THSD7A: variants seen among roughly 807,000 people sequenced by gnomAD.
The protein encoded by THSD7A is thrombospondin type 1 domain containing 7A.
In THSD7A, 96 loss-of-function variants were observed where a neutral mutation model predicts 231.3. The ratio of observed to expected loss-of-function variants is 0.41; its 90% CI spans 0.35 to 0.49. The LOEUF (loss-of-function observed/expected upper bound fraction) is 0.49, where lower values mean the gene tolerates loss of function less well. Among genes scored for constraint, THSD7A ranks in the 20% least tolerant of loss-of-function variants. The pLI is 0.05. For missense variants in THSD7A, 2,290 were observed against 2,070.2 expected (o/e 1.11, Z -2.06); for synonymous variants, 940 against 743.3 (o/e 1.26, Z -4.30).
chr7:11,490,860 A>G (rs1786861811), intron 6 of THSD7A, among the ~76,000 whole-genome samples: 1 of 152,126 alleles, frequency 6.6e-6, no homozygotes, highest in Non-Finnish European at 1.5e-5. Flanking sequence ...ATGGAAGCTA[A>G]TAATAGTACT....
At chr7:11,531,220 C>T (rs930320983) in intron 6 of THSD7A, among the ~76,000 whole-genome samples, 4 of 152,134 alleles carry the variant, frequency 2.6e-5, no homozygotes, top group Admixed American at 1.3e-4. Context: ...TGTTGCAACC[C>T]TTATCTAAGC....
At chr7:11,663,493 A>C (rs1783010289) in intron 1 of THSD7A, among the ~76,000 whole-genome samples, 1 of 151,612 alleles carries the variant, frequency 6.6e-6, no homozygotes, top group African/African-American at 2.4e-5. Context: ...ATTTAACTTC[A>C]AAAATATTCC....
chr7:11,665,956 T>C (rs981913522), intron 1 of THSD7A, among the ~76,000 whole-genome samples: 2 of 152,146 alleles, frequency 1.3e-5, no homozygotes, highest in Non-Finnish European at 2.9e-5. Flanking sequence ...TCTGTGGAAA[T>C]GAGGGGCTTT....
Position 11,786,433 on chromosome 7 carries a change from G to A in THSD7A, c.190+45324C>T, listed in dbSNP as rs115632198. 5.3e-3 allele frequency among the ~76,000 whole-genome samples: 801 copies of A among 152,164 alleles called. 8 individuals carry two copies. The highest frequency in any genetic ancestry group is 0.017 in the African/African-American group (705 of 41,498). ...CCACCACTTCCACATTTTCTGCCTG[G>A]AATGTGGTTAAGCCTGGTGGAGCAG... On this transcript the variant is annotated intron_variant, in intron 1 of 27. Transcript: ENST00000423059.
At chr7:11,755,432 C>T (rs1041531162) in intron 1 of THSD7A, among the ~76,000 whole-genome samples, 12 of 152,020 alleles carry the variant, frequency 7.9e-5, no homozygotes, top group African/African-American at 2.9e-4. Context: ...TAAAGTCCTC[C>T]ATGATTGGAC....
chr7:11,636,713 T>C lies in THSD7A; in HGVS notation c.439A>G (p.Ile147Val), dbSNP rs752781305. ...SKSLEKPLEC[I>V]KGEEGIQVRE... ...ACCTGAATACCTTCTTCCCCCTTAA[T>C]GCACTCAAGAGGTTTCTCTAGGCTT... The change falls in exon 2 of 28, where the codon ATT becomes GTT. Residue 147 changes from isoleucine to valine, a missense_variant. Physicochemically the swap from Ile to Val is conservative, Grantham distance 29 (BLOSUM62 3). Coordinates refer to ENST00000423059, the MANE Select transcript of THSD7A (RefSeq NM_015204.3). This position sits in a 1 kb window ranked among gnomAD's most constrained non-coding sequence, Gnocchi z 10.0. 1.8e-5 allele frequency: 29 copies of C among 1,613,910 alleles called. No individual in the cohort carries two copies. In the East Asian group the frequency reaches 4.9e-4, roughly 27 times the overall value.
chr7:11,633,304 C>T (rs530198976), intron 2 of THSD7A, among the ~76,000 whole-genome samples: 2 of 152,256 alleles, frequency 1.3e-5, no homozygotes, highest in Admixed American at 6.5e-5. Context: ...TTCCTGTGTC[C>T]TAGTGTATGT....
At chr7:11,638,997 T>C (rs940055613) in intron 1 of THSD7A, among the ~76,000 whole-genome samples, 2 of 152,170 alleles carry the variant, frequency 1.3e-5, no homozygotes, top group Non-Finnish European at 1.5e-5. Flanking sequence ...CACACATCCT[T>C]GGCATTTATT....
At chr7:11,541,275 GA>G (rs1562700249) in intron 6 of THSD7A, 143 bp downstream of exon 6, 16 of 770,506 alleles carry the variant, frequency 2.1e-5, no homozygotes, top group Non-Finnish European at 3.0e-5. Context: ...CAGGGAAAGA[GA>G]GGGAGGGAGA....
intron 4 of THSD7A, among the ~76,000 whole-genome samples, chr7:11,543,513 T>A (rs920604117): frequency 1.3e-5 from 2 of 152,158 alleles, no homozygotes; most frequent in East Asian, 3.9e-4. Context: ...GACTATAGCT[T>A]CAACATATAT....
At chr7:11,829,961 C>A (rs1041579924) in intron 1 of THSD7A, among the ~76,000 whole-genome samples, 3 of 152,082 alleles carry the variant, frequency 2.0e-5, no homozygotes, top group Non-Finnish European at 2.9e-5. Flanking sequence ...CAATCACTTT[C>A]TCATAACTCA....
chr7:11,788,133 G>A (rs1185751503), intron 1 of THSD7A, among the ~76,000 whole-genome samples: 1 of 151,952 alleles, frequency 6.6e-6, no homozygotes, highest in South Asian at 2.1e-4. Context: ...CTGATCTTTT[G>A]CATCTAATCC....
At chr7:11,533,833 C>G (rs1788803736) in intron 6 of THSD7A, among the ~76,000 whole-genome samples, 1 of 152,144 alleles carries the variant, frequency 6.6e-6, no homozygotes, top group South Asian at 2.1e-4. Flanking sequence ...CACCATGGCA[C>G]ATGTATACTT....
chr7:11,739,088 A>G (rs1323513801), intron 1 of THSD7A, among the ~76,000 whole-genome samples: 3 of 152,094 alleles, frequency 2.0e-5, no homozygotes, highest in African/African-American at 7.2e-5. Flanking sequence ...CCCAAGTAAC[A>G]AATGTTATAC....
chr7:11,554,471 G>C (rs1789761403), intron 4 of THSD7A, among the ~76,000 whole-genome samples: 1 of 151,934 alleles, frequency 6.6e-6, no homozygotes, highest in Non-Finnish European at 1.5e-5. Context: ...TTAAGATGAG[G>C]ATGTTCTTCT....
intron 2 of THSD7A, among the ~76,000 whole-genome samples, chr7:11,611,787 AACACACACACACACACAC>A (rs56683135): frequency 3.7e-4 from 51 of 138,778 alleles, no homozygotes; most frequent in Non-Finnish European, 5.1e-4. Flanking sequence ...AGTACCATAA[AACACACACACACACACAC>A]ACACACACAC....
chr7:11,725,744 A>T (rs922422792), intron 1 of THSD7A, among the ~76,000 whole-genome samples: 7 of 151,992 alleles, frequency 4.6e-5, no homozygotes, highest in African/African-American at 7.2e-5. Context: ...ATTTAAACAT[A>T]CGCAGTTGTG....
intron 11 of THSD7A, among the ~76,000 whole-genome samples, chr7:11,458,402 G>A (rs1162945407): frequency 6.6e-6 from 1 of 152,018 alleles, no homozygotes; most frequent in Non-Finnish European, 1.5e-5. Context: ...CGAAAAAGCA[G>A]TCTTTCATCT....
chr7:11,418,544 T>C (rs1307253362), intron 16 of THSD7A, among the ~76,000 whole-genome samples: 1 of 152,226 alleles, frequency 6.6e-6, no homozygotes, highest in Non-Finnish European at 1.5e-5. Context: ...AAAGGAAGGC[T>C]TGAACTCTCA....
Sources: allele counts gnomAD v4.1 joint callset (sites outside exome capture counted in the v4.1 genomes callset), GRCh38; gene constraint gnomAD v4.1.1; non-coding constraint Gnocchi (gnomAD v3.1); transcripts MANE v1.5; gene names NCBI Gene and HGNC (gene_info 2026-07-23, HGNC 2026-07-21).